The following PRMT9 variants were observed in gnomAD, a reference collection of about 807,000 sequenced individuals.
PRMT9 encodes protein arginine methyltransferase 9.
A neutral mutation model predicts 83.2 loss-of-function variants in PRMT9; 59 were observed. That is an observed-to-expected ratio of 0.71 (90% CI 0.57 to 0.88). The LOEUF (loss-of-function observed/expected upper bound fraction) is 0.88. PRMT9 is among the 40% of genes least tolerant of loss of function. The pLI, the probability that PRMT9 is intolerant of heterozygous loss-of-function variation, is 0.00. For synonymous variants in PRMT9, 333 were observed against 353.2 expected (o/e 0.94, Z 0.64); for missense variants, 947 against 1,021.9 (o/e 0.93, Z 1.00).
chr4:147,668,703 T>C (rs1735524593), intron 5 of PRMT9, 58 bp from the exon 6 acceptor site: 3 of 950,292 alleles, frequency 3.2e-6, no homozygotes, highest in Non-Finnish European at 5.1e-6. Flanking sequence ...TGTGTGTGCA[T>C]AATGATAAGC....
rs929971284 is a variant in PRMT9 at position 147,651,166 on chromosome 4, G to A, written c.2045+2686C>T. Among the ~76,000 whole-genome samples, 11 of 151,264 alleles carry A rather than the reference G, an allele frequency of 7.3e-5. 1 individual carries two copies. In the South Asian group the frequency reaches 1.0e-3, roughly 14 times the overall value. On this transcript the variant is annotated intron_variant, in intron 9 of 11. Coordinates refer to ENST00000322396, the MANE Select transcript of PRMT9 (RefSeq NM_138364.4). ...CAAATTATGTTCAGAAAACATATCC[G>A]AAATATGTTTTCCAAAATATACAAA... is the stretch of plus-strand genomic sequence containing the variant.
intron 9 of PRMT9, among the ~76,000 whole-genome samples, chr4:147,647,905 A>T (rs1733831393): frequency 1.3e-5 from 2 of 152,180 alleles, no homozygotes; most frequent in South Asian, 4.1e-4. Flanking sequence ...TAACAAATCA[A>T]GGGTTCCCAC....
chr4:147,677,601 G>A (rs1043406385), intron 2 of PRMT9, among the ~76,000 whole-genome samples: 10 of 151,708 alleles, frequency 6.6e-5, no homozygotes, highest in African/African-American at 1.2e-4. Flanking sequence ...CTACAGACAC[G>A]TGCCACCACA....
At chr4:147,681,820 G>A (rs1032174203) in intron 1 of PRMT9, among the ~76,000 whole-genome samples, 2 of 151,682 alleles carry the variant, frequency 1.3e-5, no homozygotes. Flanking sequence ...TATATGAAAT[G>A]GATCAGAGGG....
intron 1 of PRMT9, 64 bp downstream of exon 1, chr4:147,683,735 G>GTATTT: frequency 1.3e-5 from 11 of 837,768 alleles, no homozygotes; most frequent in African/African-American, 4.1e-5. Flanking sequence ...TTTTTTTTCT[G>GTATTT]TTTTTTTTTT....
At chr4:147,647,901 A>T (rs1436255992) in intron 9 of PRMT9, among the ~76,000 whole-genome samples, 3 of 152,148 alleles carry the variant, frequency 2.0e-5, no homozygotes, top group Admixed American at 6.5e-5. Flanking sequence ...GCTGTAACAA[A>T]TCAAGGGTTC....
At chr4:147,641,288 C>G (rs1733382159) in intron 10 of PRMT9, among the ~76,000 whole-genome samples, 1 of 152,186 alleles carries the variant, frequency 6.6e-6, no homozygotes, top group Non-Finnish European at 1.5e-5. Flanking sequence ...AGGTCAACAT[C>G]TGGCCCCTAA....
At chr4:147,673,949 C>CT (rs1306122679) in intron 2 of PRMT9, 75 bp from the exon 3 acceptor site, 5 of 1,200,942 alleles carry the variant, frequency 4.2e-6, no homozygotes, top group Non-Finnish European at 6.2e-6. Context: ...GTTTATGCCA[C>CT]TCACTTGGCC....
At chr4:147,658,980 C>T (rs1412278092) in intron 7 of PRMT9, among the ~76,000 whole-genome samples, 1 of 152,024 alleles carries the variant, frequency 6.6e-6, no homozygotes, top group African/African-American at 2.4e-5. Context: ...GAGATTGAGA[C>T]CATCCTGGCT....
intron 10 of PRMT9, among the ~76,000 whole-genome samples, chr4:147,640,019 G>A (rs931710061): frequency 7.8e-5 from 11 of 141,108 alleles, no homozygotes; most frequent in South Asian, 2.3e-4. Context: ...CCTCATAGTC[G>A]GCCCCCACTT....
At chr4:147,670,272 C>A (rs1224284285) in intron 5 of PRMT9, among the ~76,000 whole-genome samples, 1 of 152,178 alleles carries the variant, frequency 6.6e-6, no homozygotes, top group Admixed American at 6.5e-5. Flanking sequence ...CTCCACCTCC[C>A]GGGTTCAAGC....
chr4:147,653,454 A>C (rs1346020920), intron 9 of PRMT9, among the ~76,000 whole-genome samples: 1 of 132,718 alleles, frequency 7.5e-6, no homozygotes, highest in Non-Finnish European at 1.7e-5. Flanking sequence ...AAAAAAAAAA[A>C]TATATATATA....
intron 9 of PRMT9, among the ~76,000 whole-genome samples, chr4:147,650,020 C>T (rs1733988451): frequency 6.6e-6 from 1 of 152,176 alleles, no homozygotes; most frequent in African/African-American, 2.4e-5. Flanking sequence ...TAGAAGGAAA[C>T]TACCTCAACA....
intron 6 of PRMT9, among the ~76,000 whole-genome samples, chr4:147,667,602 A>G (rs1284154528): frequency 1.3e-5 from 2 of 152,228 alleles, no homozygotes; most frequent in African/African-American, 4.8e-5. Context: ...AAAGGAATAT[A>G]TAACAAAGAT....
intron 6 of PRMT9, among the ~76,000 whole-genome samples, chr4:147,663,697 C>T (rs1474374115): frequency 1.3e-5 from 2 of 152,112 alleles, no homozygotes; most frequent in African/African-American, 4.8e-5. Flanking sequence ...TTATAAACTA[C>T]GTGAATATAT....
intron 9 of PRMT9, among the ~76,000 whole-genome samples, chr4:147,649,185 AGAGG>A (rs1733933432): frequency 6.6e-6 from 1 of 151,652 alleles, no homozygotes; most frequent in Non-Finnish European, 1.5e-5. Flanking sequence ...GAGAGAGAGA[AGAGG>A]GAGAGAGAGA....
chr4:147,669,976 A>G (rs1387820606), intron 5 of PRMT9, among the ~76,000 whole-genome samples: 6 of 152,172 alleles, frequency 3.9e-5, no homozygotes, highest in African/African-American at 1.4e-4. Context: ...ATTTGCCAAA[A>G]TTCTAGGCAG....
chr4:147,643,250 G>C (rs2126571574), intron 9 of PRMT9, among the ~76,000 whole-genome samples: 1 of 152,192 alleles, frequency 6.6e-6, no homozygotes, highest in East Asian at 1.9e-4. Flanking sequence ...CTGGGTGACA[G>C]AGTGAGACTC....
intron 6 of PRMT9, among the ~76,000 whole-genome samples, chr4:147,665,349 G>A (rs1041298597): frequency 1.3e-5 from 2 of 152,072 alleles, no homozygotes; most frequent in African/African-American, 2.4e-5. Context: ...AGGACGAGCT[G>A]TACTTTTATC....
Sources: allele counts gnomAD v4.1 joint callset (sites outside exome capture counted in the v4.1 genomes callset), GRCh38; gene constraint gnomAD v4.1.1; transcripts MANE v1.5; gene names NCBI Gene and HGNC (gene_info 2026-07-23, HGNC 2026-07-21).